Variants in ADAMTS14 observed in about 807,000 individuals in gnomAD.
ADAMTS14 encodes A disintegrin and metalloproteinase with thrombospondin motifs 14.
Under a neutral mutation model 128.6 loss-of-function variants are expected in ADAMTS14, and 100 were observed. That is an observed-to-expected ratio of 0.78 (90% CI 0.66 to 0.92). The LOEUF (loss-of-function observed/expected upper bound fraction) is 0.92, where lower values mean the gene tolerates loss of function less well. Ranked by LOEUF, ADAMTS14 falls within the 40% of genes least tolerant of loss-of-function variation. ADAMTS14 has a pLI of 0.00. For synonymous variants in ADAMTS14, 665 were observed against 653.8 expected (o/e 1.02, Z -0.26); for missense variants, 1,562 against 1,658.6 (o/e 0.94, Z 1.01).
chr10:70,682,650 G>A (rs969048981), intron 2 of ADAMTS14, among the ~76,000 whole-genome samples: 2 of 152,210 alleles, frequency 1.3e-5, no homozygotes, highest in African/African-American at 4.8e-5. Flanking sequence ...ATTACATGGT[G>A]TGGATTACTG....
intron 4 of ADAMTS14, among the ~76,000 whole-genome samples, chr10:70,717,517 C>G (rs940345886): frequency 1.3e-5 from 2 of 152,040 alleles, no homozygotes; most frequent in Non-Finnish European, 1.5e-5. Flanking sequence ...TGGACTGTGG[C>G]GTAAAGAAGA....
intron 12 of ADAMTS14, among the ~76,000 whole-genome samples, chr10:70,741,970 A>G (rs1397748919): frequency 6.6e-6 from 1 of 152,098 alleles, no homozygotes; most frequent in East Asian, 1.9e-4. Context: ...TCTCCATCAC[A>G]CAACTCTTGG....
rs778072854 is a variant in ADAMTS14, at chr10:70,760,410, G to T, written c.3229G>T (p.Asp1077Tyr). The T allele has an allele frequency of 3.7e-6, 6 of 1,608,198 alleles. No individual in the cohort carries two copies. The South Asian group carries it at 5.5e-5, about 15-fold the overall frequency. ...RSVFCQMEVL[D>Y]RYCSIPGYHR... ...TGTCTTCTGCCAGATGGAAGTGCTC[G>T]ATCGCTACTGCTCCATTCCCGGCTA... The change falls in exon 22 of 22, where the codon GAT becomes TAT. Residue 1077 changes from aspartate to tyrosine, a missense_variant. Coordinates refer to ENST00000373207, the MANE Select transcript of ADAMTS14 (RefSeq NM_080722.4).
chr10:70,676,238 C>T (rs1839645050), intron 2 of ADAMTS14, among the ~76,000 whole-genome samples: 1 of 152,182 alleles, frequency 6.6e-6, no homozygotes, highest in South Asian at 2.1e-4. Context: ...CTCCTGGCCT[C>T]CAGCCATCCT....
At chr10:70,677,372 C>T (rs1839677337) in intron 2 of ADAMTS14, among the ~76,000 whole-genome samples, 1 of 152,052 alleles carries the variant, frequency 6.6e-6, no homozygotes, top group South Asian at 2.1e-4. Context: ...GCAAGTCACC[C>T]CCTCCCCATT....
At chr10:70,699,103 G>T (rs1019866765) in intron 2 of ADAMTS14, among the ~76,000 whole-genome samples, 2 of 152,132 alleles carry the variant, frequency 1.3e-5, no homozygotes, top group Non-Finnish European at 2.9e-5. Context: ...TTTGCAGGTG[G>T]TACTAGGAAA....
At position 70,674,121 on chromosome 10, in the gene ADAMTS14, T is replaced by G. The variant is rs826466; in HGVS notation, c.83-435T>G. 7.2e-5 allele frequency among the ~76,000 whole-genome samples: 11 copies of G among 152,224 alleles called. No individual in the cohort carries two copies. The East Asian group carries it at 1.6e-3, about 22-fold the overall frequency. On this transcript the variant is annotated intron_variant, in intron 1 of 21. Transcript: ENST00000373207. ...GTTTTGCCAGCTGCGTTCTTGGAAG[T>G]TTGGGGAGGAGGGCACTACCCCAGC... is the stretch of plus-strand genomic sequence containing the variant.
At chr10:70,693,875 AC>A (rs1159025463) in intron 2 of ADAMTS14, among the ~76,000 whole-genome samples, 21 of 152,084 alleles carry the variant, frequency 1.4e-4, no homozygotes, top group African/African-American at 4.6e-4. Context: ...GTTTCTTTGA[AC>A]CTTTGGCTTG....
intron 2 of ADAMTS14, among the ~76,000 whole-genome samples, chr10:70,696,791 G>A (rs541517041): frequency 1.3e-5 from 2 of 152,300 alleles, no homozygotes; most frequent in East Asian, 3.9e-4. Flanking sequence ...TTTCTGGGTT[G>A]TAGCAGCCCA....
intron 6 of ADAMTS14, 69 bp downstream of exon 6, chr10:70,730,318 G>A: frequency 1.3e-6 from 2 of 1,541,460 alleles, no homozygotes; most frequent in Non-Finnish European, 1.8e-6. Flanking sequence ...GGCTGGGCCT[G>A]GAGGCAGATG....
chr10:70,704,756 C>T (rs1195299814), intron 3 of ADAMTS14, among the ~76,000 whole-genome samples: 1 of 151,348 alleles, frequency 6.6e-6, no homozygotes, highest in African/African-American at 2.4e-5. Flanking sequence ...CATACTGATG[C>T]AAACACATGC....
chr10:70,703,389 C>G (rs939129934), intron 3 of ADAMTS14, among the ~76,000 whole-genome samples: 1 of 152,232 alleles, frequency 6.6e-6, no homozygotes, highest in African/African-American at 2.4e-5. Flanking sequence ...CCCTATGGGA[C>G]TGGGCCTGGT....
intron 3 of ADAMTS14, among the ~76,000 whole-genome samples, chr10:70,703,736 C>T (rs1214799000): frequency 1.3e-5 from 2 of 152,204 alleles, no homozygotes; most frequent in African/African-American, 4.8e-5. Context: ...CCAGCTGCAT[C>T]ACCAGCCACC....
chr10:70,751,678 T>C (rs982132934), intron 17 of ADAMTS14, 32 bp downstream of exon 17: 1 of 1,595,664 alleles, frequency 6.3e-7, no homozygotes, highest in East Asian at 2.3e-5. Context: ...AGTGCTTTGT[T>C]GGGGCAGCCC....
chr10:70,709,792 G>C (rs1251314549), intron 4 of ADAMTS14, among the ~76,000 whole-genome samples: 1 of 152,180 alleles, frequency 6.6e-6, no homozygotes, highest in Non-Finnish European at 1.5e-5. Context: ...GAGCCACCGC[G>C]CCCAGCCTAC....
intron 3 of ADAMTS14, among the ~76,000 whole-genome samples, chr10:70,707,315 A>T (rs1272792608): frequency 6.6e-6 from 1 of 152,172 alleles, no homozygotes; most frequent in African/African-American, 2.4e-5. Context: ...GCCTCTTCAC[A>T]TCCTCAGTCC....
At chr10:70,760,216 C>G (rs1323865310) in intron 21 of ADAMTS14, 144 bp from the exon 22 acceptor site, 2 of 1,098,378 alleles carry the variant, frequency 1.8e-6, no homozygotes, top group Admixed American at 5.8e-5. Context: ...TCTGTAGCCC[C>G]CACCCTGAGA....
chr10:70,757,803 C>T (rs1165113524), intron 19 of ADAMTS14, among the ~76,000 whole-genome samples, 159 bp from the exon 20 acceptor site: 1 of 152,190 alleles, frequency 6.6e-6, no homozygotes, highest in African/African-American at 2.4e-5. Flanking sequence ...TAGAAGCAGT[C>T]CTTGCATGTC....
Position 70,741,182 on chromosome 10 carries a change from C to G in ADAMTS14, c.1924+20C>G, listed in dbSNP as rs956012820. 1 of 1,609,136 alleles carries G rather than the reference C, an allele frequency of 6.2e-7. No individual in the cohort carries two copies. The highest frequency in any genetic ancestry group is 8.5e-7 in the Non-Finnish European group (1 of 1,177,502). Reference sequence around the variant, plus strand: ...ACGATGGTGAGTGGGCCCCACCCCCCTCCCACTCCATGTCCTTAGGCATCT... The same window carrying G: ...ACGATGGTGAGTGGGCCCCACCCCCGTCCCACTCCATGTCCTTAGGCATCT... On this transcript the variant is annotated intron_variant, in intron 12 of 21. Coordinates refer to ENST00000373207, the MANE Select transcript of ADAMTS14 (RefSeq NM_080722.4).
Sources: gnomAD v4.1 joint callset for allele counts (sites outside exome capture counted in the v4.1 genomes callset) on GRCh38, gnomAD v4.1.1 for gene constraint, MANE v1.5 for transcripts, NCBI Gene and HGNC (gene_info 2026-07-23, HGNC 2026-07-21) for gene names.